The following ANO1 variants were observed in gnomAD, a reference collection of about 807,000 sequenced individuals.
ANO1 encodes the protein anoctamin 1, also known as anoctamin-1.
Under a neutral mutation model 124.0 loss-of-function variants are expected in ANO1, and 59 were observed. The ratio of observed to expected loss-of-function variants is 0.48; its 90% CI spans 0.39 to 0.59. The LOEUF is 0.59. Among genes scored for constraint, ANO1 ranks in the 20% least tolerant of loss-of-function variants. The pLI is 0.00. For missense variants in ANO1, 1,059 were observed against 1,328.0 expected, an observed-to-expected ratio of 0.80 and a Z score of 3.15; for synonymous variants, 529 against 532.0, an observed-to-expected ratio of 0.99 and a Z score of 0.08.
At chr11:70,135,512 C>T (rs1020885528) in intron 11 of ANO1, among the ~76,000 whole-genome samples, 39 of 152,326 alleles carry the variant, frequency 2.6e-4, no homozygotes, top group African/African-American at 8.4e-4. Context: ...CCTGGCATCA[C>T]CTTAGGATCT....
chr11:70,128,789 G>A (rs1006964655), intron 10 of ANO1, among the ~76,000 whole-genome samples: 5 of 152,230 alleles, frequency 3.3e-5, no homozygotes, highest in Non-Finnish European at 2.9e-5. Flanking sequence ...AGTGAGAGGC[G>A]GAGGGGGATT....
At position 70,078,546 on chromosome 11, in the gene ANO1, C is replaced by A. The variant is rs996206523; in HGVS notation, c.-61C>A. ...CGCTGCGGTCTCCGCCCGCAGAGGC[C>A]GCCGGGGCCGTGGATGGGGAGGGCG... On this transcript the variant is annotated 5_prime_UTR_variant, in exon 1 of 26. Transcript: ENST00000355303. The A allele has an allele frequency of 5.6e-6, 7 of 1,251,656 alleles. No homozygotes were observed. The highest frequency in any genetic ancestry group is 1.6e-5 in the African/African-American group (1 of 61,926). The allele number at this position is 1,251,656 out of a possible 1,614,324, so 77.5% of individuals were successfully genotyped here.
At chr11:70,148,583 C>T (rs1296041028) in intron 11 of ANO1, among the ~76,000 whole-genome samples, 1 of 152,192 alleles carries the variant, frequency 6.6e-6, no homozygotes, top group Non-Finnish European at 1.5e-5. Flanking sequence ...AGGAACAGCT[C>T]GAGAATCGTG....
rs958722556 is a variant in ANO1 at position 70,116,466 on chromosome 11, C to T, written c.864C>T (p.Tyr288=). 2 of 1,599,470 alleles carry T rather than the reference C, an allele frequency of 1.3e-6. No homozygotes were observed. Among genetic ancestry groups the T allele is most frequent in the East Asian group, 2.3e-5 (1 of 44,372 alleles). The change falls in exon 8 of 26, where the codon TAC becomes TAT. Residue 288 remains tyrosine (Y), a synonymous_variant. Coordinates refer to ENST00000355303, the MANE Select transcript of ANO1 (RefSeq NM_018043.7). ...AAAYPLHDGD[Y]NGENVEFNDR... is the part of the protein sequence containing the mutation. Reference sequence around the variant, plus strand: ...TCCTCTTTTTTTAACAGGGAGACTACAACGGTGAAAACGTCGAGTTCAACG... The same window carrying T: ...TCCTCTTTTTTTAACAGGGAGACTATAACGGTGAAAACGTCGAGTTCAACG...
intron 1 of ANO1, among the ~76,000 whole-genome samples, chr11:70,052,730 T>C (rs1249977249): frequency 6.6e-6 from 1 of 151,808 alleles, no homozygotes. Context: ...TTTTTTTGTA[T>C]TTTTAGTAGA....
intron 9 of ANO1, 124 bp downstream of exon 9, chr11:70,124,538 T>C: frequency 1.0e-6 from 1 of 975,310 alleles, no homozygotes; most frequent in Admixed American, 2.1e-5. Context: ...CTCAAAGAGC[T>C]TGTGTAGGAA....
chr11:70,129,099 A>G (rs901155354), intron 10 of ANO1, among the ~76,000 whole-genome samples: 1 of 152,040 alleles, frequency 6.6e-6, no homozygotes, highest in African/African-American at 2.4e-5. Context: ...ACCCCCCAAA[A>G]CGCTGCTTTC....
At chr11:70,075,697 C>A (rs1293392763), upstream of ANO1, among the ~76,000 whole-genome samples, 8 of 152,138 alleles carry the variant, frequency 5.3e-5, no homozygotes, top group Non-Finnish European at 7.3e-5. Flanking sequence ...TGATAAAAAT[C>A]ACTGAGACAA....
At chr11:70,130,897 C>T (rs558737789) in intron 10 of ANO1, among the ~76,000 whole-genome samples, 1 of 152,388 alleles carries the variant, frequency 6.6e-6, no homozygotes, top group African/African-American at 2.4e-5. Context: ...GTTTCTCCAC[C>T]TCCTGTGTCC....
At position 70,153,182 on chromosome 11, in the gene ANO1, A is replaced by C. The variant is rs1199639232; in HGVS notation, c.1425+54A>C. 6.2e-6 allele frequency: 9 copies of C among 1,443,586 alleles called. No individual in the cohort carries two copies. In the East Asian group the frequency reaches 1.2e-4, roughly 19 times the overall value. 89.4% of individuals were successfully genotyped at this position (1,443,586 alleles called of 1,614,324 possible). A position where few individuals can be genotyped will look rare whatever the true frequency, so the allele number is the denominator to read the frequency against. On this transcript the variant is annotated intron_variant, in intron 14 of 25. Transcript: ENST00000355303. ...CCAGCAATAAAACACTGTGTTCATC[A>C]ACCATGTAGACCTGGGATCAGCCCA...
chr11:69,997,541 C>G (rs904919853), intron 1 of ANO1, among the ~76,000 whole-genome samples: 13 of 152,126 alleles, frequency 8.5e-5, no homozygotes, highest in Non-Finnish European at 1.3e-4. Context: ...ACTCTCCCCC[C>G]GTCCCAACGG....
At chr11:70,141,114 C>T (rs1048332659) in intron 11 of ANO1, among the ~76,000 whole-genome samples, 2 of 152,240 alleles carry the variant, frequency 1.3e-5, no homozygotes, top group African/African-American at 4.8e-5. Context: ...TCCCACCTCT[C>T]TGTCCAAACG....
chr11:70,092,049 C>A (rs2135260947), intron 2 of ANO1, among the ~76,000 whole-genome samples: 1 of 152,302 alleles, frequency 6.6e-6, no homozygotes, highest in Admixed American at 6.5e-5. Flanking sequence ...GGGCCGCGCT[C>A]CCTCTAAGAC....
At chr11:70,163,202 G>T (rs999492083) in intron 18 of ANO1, 81 bp from the exon 19 acceptor site, 7 of 1,478,602 alleles carry the variant, frequency 4.7e-6, no homozygotes, top group Admixed American at 1.9e-5. Flanking sequence ...CTCACACGCT[G>T]CACAGTCCCC....
chr11:70,087,972 C>A lies in ANO1; in HGVS notation c.329C>A (p.Ala110Glu), dbSNP rs750933607. Residue 110 changes from alanine (A) to glutamate (E), a missense_variant, in exon 2 of 26, where the codon GCA becomes GAA. Physicochemically the swap from Ala to Glu is moderately radical, Grantham distance 107. This residue lies in a region of ANO1 where 250 missense variants were observed against 233.1 expected (regional missense o/e 1.07). Coordinates refer to ENST00000355303, the MANE Select transcript of ANO1 (RefSeq NM_018043.7). ...CCGGGCAAGGGGGCGTCGCTGGATGCAGGCTCGGGGGAGCCCCCGATGGAC... is the reference window on the plus strand; with the variant it reads ...CCGGGCAAGGGGGCGTCGCTGGATGAAGGCTCGGGGGAGCCCCCGATGGAC... ...PLPGKGASLD[A>E]GSGEPPMDYH... 4 of 1,587,664 alleles carry A rather than the reference C, an allele frequency of 2.5e-6. No individual in the cohort carries two copies. In the South Asian group the frequency reaches 4.6e-5, roughly 18 times the overall value.
At chr11:70,033,128 TC>T (rs781878818) in intron 1 of ANO1, among the ~76,000 whole-genome samples, 1 of 152,254 alleles carries the variant, frequency 6.6e-6, no homozygotes, top group South Asian at 2.1e-4. Context: ...GTGATGTAGA[TC>T]CAGGGGTCAG....
Position 70,188,257 on chromosome 11 carries a change from A to G in ANO1, c.*253A>G, listed in dbSNP as rs1352663978. 8 of 550,548 alleles carry G rather than the reference A, an allele frequency of 1.5e-5. No individual in the cohort carries two copies. The highest frequency in any genetic ancestry group is 4.9e-4 in the Middle Eastern group (1 of 2,032). 34.1% of individuals were successfully genotyped at this position (550,548 alleles called of 1,614,324 possible). On this transcript the variant is annotated 3_prime_UTR_variant, in exon 26 of 26. Transcript: ENST00000355303. ...AGATGAATCAAAATGATGGCTGGTA[A>G]TACGGCAATAAGGTAGCAAAGGCAG...
At chr11:69,981,565 C>T (rs1458860438), upstream of ANO1, among the ~76,000 whole-genome samples, 1 of 152,342 alleles carries the variant, frequency 6.6e-6, no homozygotes, top group African/African-American at 2.4e-5. Flanking sequence ...TGTATCAGAG[C>T]GGAGGACTGT....
intron 1 of ANO1, among the ~76,000 whole-genome samples, chr11:70,040,123 A>G (rs1857160169): frequency 6.6e-6 from 1 of 152,172 alleles, no homozygotes; most frequent in Non-Finnish European, 1.5e-5. Context: ...CCTGCCAGCC[A>G]AGATAATCTG....
Sources: allele counts gnomAD v4.1 joint callset (sites outside exome capture counted in the v4.1 genomes callset), GRCh38; gene constraint gnomAD v4.1.1; regional missense constraint gnomAD v4.1.1; transcripts MANE v1.5; gene names NCBI Gene and HGNC (gene_info 2026-07-23, HGNC 2026-07-21).